The following SMC6 variants were observed in gnomAD, a reference collection of about 807,000 sequenced individuals.
SMC6 encodes the protein structural maintenance of chromosomes protein 6.
A neutral mutation model predicts 142.2 loss-of-function variants in SMC6; 79 were observed. The ratio of observed to expected loss-of-function variants is 0.56; its 90% CI spans 0.46 to 0.67. SMC6 has a LOEUF of 0.67. Among genes scored for constraint, SMC6 ranks in the 30% least tolerant of loss-of-function variants. SMC6 has a pLI of 0.00. For missense variants in SMC6, 1,072 were observed against 1,284.0 expected, an observed-to-expected ratio of 0.83 and a Z score of 2.52; for synonymous variants, 411 against 412.4, an observed-to-expected ratio of 1.00 and a Z score of 0.04.
intron 5 of SMC6, among the ~76,000 whole-genome samples, chr2:17,735,592 G>C (rs1190261428): frequency 6.6e-6 from 1 of 152,162 alleles, no homozygotes; most frequent in Non-Finnish European, 1.5e-5. Context: ...AGGCTACCAG[G>C]GTTGGTATTA....
At chr2:17,671,544 G>C (rs1471451274) in intron 25 of SMC6, among the ~76,000 whole-genome samples, 1 of 144,652 alleles carries the variant, frequency 6.9e-6, no homozygotes, top group African/African-American at 2.6e-5. Flanking sequence ...GGGAGACAGA[G>C]GTTGCAGTGA....
chr2:17,670,952 C>T (rs1026275777), intron 25 of SMC6, among the ~76,000 whole-genome samples: 3 of 152,002 alleles, frequency 2.0e-5, no homozygotes, highest in African/African-American at 7.2e-5. Context: ...ACCTCTGTCT[C>T]CCAGGCTCAA....
chr2:17,666,212 G>C (rs1403680331), intron 27 of SMC6, among the ~76,000 whole-genome samples: 1 of 152,158 alleles, frequency 6.6e-6, no homozygotes, highest in Admixed American at 6.5e-5. Context: ...GTAACAACTT[G>C]CTTCAGTTAT....
At chr2:17,738,886 C>T (rs1023756765) in intron 4 of SMC6, among the ~76,000 whole-genome samples, 2 of 152,012 alleles carry the variant, frequency 1.3e-5, no homozygotes, top group Non-Finnish European at 2.9e-5. Flanking sequence ...GGTTCTCAAG[C>T]GATCCTCCTG....
In SMC6 at chr2:17,721,161, T is replaced by C. The variant is rs1331975747; in HGVS notation, c.827A>G (p.His276Arg). ...AATTACCACTGCCCAAGCCATTTCATGTTTCAAGGACTCTAAATTAGTCTT... is the reference window on the plus strand; with the variant it reads ...AATTACCACTGCCCAAGCCATTTCACGTTTCAAGGACTCTAAATTAGTCTT... ...TMKTNLESLK[H>R]EMAWAVVNEI... Residue 276 changes from histidine to arginine, a missense_variant, in exon 10 of 28, where the codon CAT becomes CGT. Physicochemically the swap from His to Arg is conservative, Grantham distance 29. Transcript: ENST00000448223. 2 of 1,611,304 alleles carry C rather than the reference T, an allele frequency of 1.2e-6. No homozygotes were observed. The highest frequency in any genetic ancestry group is 2.2e-5 in the East Asian group (1 of 44,800).
chr2:17,709,658 A>G lies in SMC6; in HGVS notation c.1731-905T>C, dbSNP rs570046055. 1.1e-4 allele frequency among the ~76,000 whole-genome samples: 16 copies of G among 152,328 alleles called. No individual in the cohort carries two copies. The South Asian group carries it at 3.1e-3, about 30-fold the overall frequency. ...TGTTCCAGAGGATAAAGGGAGCAGT[A>G]TACAAAACAGACTACACCCTGTTCA... On this transcript the variant is annotated intron_variant, in intron 16 of 27. Coordinates refer to ENST00000448223, the MANE Select transcript of SMC6 (RefSeq NM_001142286.2).
Position 17,704,871 on chromosome 2 carries a change from T to G in SMC6, c.2007-1579A>C, listed in dbSNP as rs374952103. On this transcript the variant is annotated intron_variant, in intron 18 of 27. Transcript: ENST00000448223. ...ATAAAAATGGGGCCAGGTGCAAAAATTTAATATGGGTCCTCAGGATTTAAT... is the reference window on the plus strand; with the variant it reads ...ATAAAAATGGGGCCAGGTGCAAAAAGTTAATATGGGTCCTCAGGATTTAAT... Among the ~76,000 whole-genome samples the G allele has an allele frequency of 4.6e-5, 7 of 151,988 alleles. No homozygotes were observed. In the East Asian group the frequency reaches 9.7e-4, roughly 21 times the overall value.
chr2:17,738,341 G>A lies in SMC6; in HGVS notation c.239-15C>T. ...ACTCTTCCCACCTAAAGAAACAGAT[G>A]TTGAAGAAATCACATTCATTAAAAG... On this transcript the variant is annotated splice_polypyrimidine_tract_variant and intron_variant, in intron 4 of 27. Transcript: ENST00000448223. 6.4e-7 allele frequency: 1 copy of A among 1,572,798 alleles called. No individual in the cohort carries two copies. The highest frequency in any genetic ancestry group is 1.7e-4 in the Middle Eastern group (1 of 5,902).
intron 9 of SMC6, among the ~76,000 whole-genome samples, chr2:17,722,985 T>C (rs1336907356): frequency 7.3e-6 from 1 of 137,154 alleles, no homozygotes; most frequent in Admixed American, 7.4e-5. Context: ...GTTCAAAATA[T>C]AATTCAGCTT....
At chr2:17,696,015 G>A (rs1667968293) in intron 22 of SMC6, among the ~76,000 whole-genome samples, 1 of 152,110 alleles carries the variant, frequency 6.6e-6, no homozygotes, top group Admixed American at 6.6e-5. Context: ...GCCAAGGTGG[G>A]CATCTAAGGA....
At chr2:17,682,637 A>C (rs1263651112) in intron 24 of SMC6, among the ~76,000 whole-genome samples, 2 of 152,278 alleles carry the variant, frequency 1.3e-5, no homozygotes, top group East Asian at 3.9e-4. Context: ...CTTATTGGCC[A>C]GAGTGAAAAC....
At chr2:17,691,204 A>G (rs1199740327) in intron 23 of SMC6, among the ~76,000 whole-genome samples, 4 of 142,266 alleles carry the variant, frequency 2.8e-5, no homozygotes, top group East Asian at 2.1e-4. Flanking sequence ...CCACATGTCC[A>G]TTAATGAATG....
At chr2:17,748,928 G>A (rs6761104) in intron 2 of SMC6, among the ~76,000 whole-genome samples, 27,223 of 152,140 alleles carry the variant, frequency 0.18, 3,489 homozygotes, top group African/African-American at 0.37. Context: ...CAAACACTAC[G>A]TGATGACGAT....
At chr2:17,736,871 C>CA (rs56944743) in intron 5 of SMC6, among the ~76,000 whole-genome samples, 94 of 150,626 alleles carry the variant, frequency 6.2e-4, no homozygotes, top group African/African-American at 2.0e-3. Flanking sequence ...GACTCTGTCT[C>CA]AAAAAAAAGA....
intron 20 of SMC6, 120 bp from the exon 21 acceptor site, chr2:17,700,498 T>C (rs1668216454): frequency 1.5e-6 from 1 of 688,514 alleles, no homozygotes; most frequent in Non-Finnish European, 2.2e-6. Context: ...TCAGATCAAA[T>C]ACAAATAGAA....
At chr2:17,688,615 T>C (rs935186148) in intron 23 of SMC6, among the ~76,000 whole-genome samples, 5 of 152,088 alleles carry the variant, frequency 3.3e-5, no homozygotes, top group African/African-American at 1.2e-4. Flanking sequence ...CTATAGTCCA[T>C]TGAGTAAAAC....
chr2:17,716,363 C>T (rs562125017), intron 14 of SMC6, 99 bp from the exon 15 acceptor site: 422 of 1,139,522 alleles, frequency 3.7e-4, no homozygotes, highest in Non-Finnish European at 4.7e-4. Context: ...AACGACCCAG[C>T]TAGCTACCCT....
At position 17,714,936 on chromosome 2, in the gene SMC6, A is replaced by G; in HGVS notation, c.1655T>C (p.Phe552Ser). 6.2e-7 allele frequency: 1 copy of G among 1,613,898 alleles called. No individual in the cohort carries two copies. The highest frequency in any genetic ancestry group is 2.2e-5 in the East Asian group (1 of 44,866). Reference protein sequence around the residue: ...ERVLQALMKRFYLPGTSRPPI... With the variant: ...ERVLQALMKRSYLPGTSRPPI... ...TGGCCGTGAGGTCCCTGGTAAATAAAACCTTTTCATGAGTGCCTGAAGGAC... is the reference window on the plus strand; with the variant it reads ...TGGCCGTGAGGTCCCTGGTAAATAAGACCTTTTCATGAGTGCCTGAAGGAC... The change falls in exon 16 of 28, where the codon TTT becomes TCT. Residue 552 changes from phenylalanine (F) to serine (S), a missense_variant. By Grantham distance (155) the Phe-to-Ser change is radical. Transcript: ENST00000448223.
intron 26 of SMC6, among the ~76,000 whole-genome samples, chr2:17,668,085 G>T (rs1227000880): frequency 6.6e-6 from 1 of 152,092 alleles, no homozygotes; most frequent in Non-Finnish European, 1.5e-5. Context: ...ACAGAACTTG[G>T]ATACATTCTT....
Sources: allele counts gnomAD v4.1 joint callset (sites outside exome capture counted in the v4.1 genomes callset), GRCh38; gene constraint gnomAD v4.1.1; transcripts MANE v1.5; gene names NCBI Gene and HGNC (gene_info 2026-07-23, HGNC 2026-07-21).